Variants in PHACTR1 observed in about 807,000 individuals in gnomAD.
The protein encoded by PHACTR1 is phosphatase and actin regulator 1.
Under a neutral mutation model 69.2 loss-of-function variants are expected in PHACTR1, and 16 were observed. The observed-to-expected ratio is 0.23, with a 90% CI of 0.16 to 0.35. The LOEUF (loss-of-function observed/expected upper bound fraction) is 0.35, where lower values mean the gene tolerates loss of function less well. Among genes scored for constraint, PHACTR1 ranks in the 10% least tolerant of loss-of-function variants. The probability of loss-of-function intolerance (pLI) is 1.00; values close to 1 mark genes in which losing one functional copy is unlikely to be tolerated. For synonymous variants in PHACTR1, 312 were observed against 284.5 expected, an observed-to-expected ratio of 1.10 and a Z score of -0.97; for missense variants, 510 against 734.7, an observed-to-expected ratio of 0.69 and a Z score of 3.54.
At position 12,990,928 on chromosome 6, in the gene PHACTR1, T is replaced by C. The variant is rs567159465; in HGVS notation, c.251-62437T>C. 7.9e-5 allele frequency among the ~76,000 whole-genome samples: 12 copies of C among 152,300 alleles called. No homozygotes were observed. In the East Asian group the frequency reaches 2.3e-3, roughly 29 times the overall value. ...TCTATCTATAGTCTCCAATGCTCTG[T>C]TGCTTCTTCTCTTGGTGTTCAGCCA... is the stretch of plus-strand genomic sequence containing the variant. On this transcript the variant is annotated intron_variant, in intron 4 of 14. Transcript: ENST00000332995.
chr6:13,147,292 T>C (rs1163400322), intron 5 of PHACTR1, among the ~76,000 whole-genome samples: 1 of 152,214 alleles, frequency 6.6e-6, no homozygotes, highest in Non-Finnish European at 1.5e-5. Flanking sequence ...TGCAGAGAGA[T>C]AGAAAATGGA....
At chr6:12,787,156 G>C (rs1286538917) in intron 4 of PHACTR1, among the ~76,000 whole-genome samples, 2 of 152,186 alleles carry the variant, frequency 1.3e-5, no homozygotes, top group Non-Finnish European at 2.9e-5. Context: ...TTAAACAGCT[G>C]GTGAAATTAG....
intron 5 of PHACTR1, among the ~76,000 whole-genome samples, chr6:13,065,184 G>A (rs1372120295): frequency 1.3e-5 from 2 of 152,214 alleles, no homozygotes; most frequent in East Asian, 3.9e-4. Context: ...ATGCAGATTG[G>A]AAGTCATCAG....
intron 5 of PHACTR1, among the ~76,000 whole-genome samples, chr6:13,122,869 G>T (rs181833252): frequency 6.6e-6 from 1 of 152,230 alleles, no homozygotes; most frequent in East Asian, 1.9e-4. Flanking sequence ...ACAAACAAGG[G>T]TTACTACCTA....
chr6:12,797,726 C>A (rs1168494450), intron 4 of PHACTR1, among the ~76,000 whole-genome samples: 1 of 152,148 alleles, frequency 6.6e-6, no homozygotes, highest in Non-Finnish European at 1.5e-5. Context: ...ACTCCAGCCA[C>A]ACTGTCCTTT....
chr6:12,930,346 G>C (rs1438642380), intron 4 of PHACTR1, among the ~76,000 whole-genome samples: 3 of 152,170 alleles, frequency 2.0e-5, no homozygotes, highest in Non-Finnish European at 4.4e-5. Context: ...CGCTGGCCAA[G>C]AGAATTTTTT....
intron 4 of PHACTR1, among the ~76,000 whole-genome samples, chr6:12,860,467 G>A (rs932087389): frequency 1.3e-5 from 2 of 152,106 alleles, no homozygotes; most frequent in African/African-American, 2.4e-5. Flanking sequence ...ACATGTGCAT[G>A]CGTCTTTATA....
intron 4 of PHACTR1, among the ~76,000 whole-genome samples, chr6:12,964,480 A>T (rs1793179581): frequency 1.3e-5 from 2 of 152,156 alleles, no homozygotes; most frequent in Admixed American, 6.5e-5. Flanking sequence ...ATTTTCAGCA[A>T]AGGAAGGAAA....
chr6:13,121,002 C>A (rs1040521719), intron 5 of PHACTR1, among the ~76,000 whole-genome samples: 8 of 152,168 alleles, frequency 5.3e-5, no homozygotes, highest in Non-Finnish European at 1.0e-4. Flanking sequence ...GCCGGGCATT[C>A]AGACAGGTGC....
At chr6:13,033,520 A>C (rs1051833794) in intron 4 of PHACTR1, among the ~76,000 whole-genome samples, 1 of 152,212 alleles carries the variant, frequency 6.6e-6, no homozygotes. Flanking sequence ...GTAAACAGCC[A>C]TACTTAGCAG....
At chr6:12,880,609 A>G (rs1016834144) in intron 4 of PHACTR1, among the ~76,000 whole-genome samples, 1 of 152,148 alleles carries the variant, frequency 6.6e-6, no homozygotes, top group Non-Finnish European at 1.5e-5. Flanking sequence ...TGTACCCACA[A>G]AGAGTTCATA....
At chr6:12,884,374 C>T (rs984140938) in intron 4 of PHACTR1, among the ~76,000 whole-genome samples, 8 of 151,914 alleles carry the variant, frequency 5.3e-5, no homozygotes, top group Admixed American at 1.3e-4. Context: ...ATGGTTCAGT[C>T]CAGACAAGTA....
Position 13,231,943 on chromosome 6 carries a change from C to T in PHACTR1, c.1391+1750C>T, listed in dbSNP as rs531522369. Among the ~76,000 whole-genome samples the T allele has an allele frequency of 7.0e-4, 107 of 152,324 alleles. 1 individual carries two copies. The highest frequency in any genetic ancestry group is 6.2e-4 in the South Asian group (3 of 4,824). The stretch of plus-strand genomic sequence containing the variant: ...TGTCACACAGCACAGCTCTGGAATT[C>T]TCTCTCTTGAGCCCTTACTTTGTAC... On this transcript the variant is annotated intron_variant, in intron 10 of 14. Transcript: ENST00000332995.
At chr6:13,199,656 A>G (rs373523630) in intron 7 of PHACTR1, among the ~76,000 whole-genome samples, 1 of 152,204 alleles carries the variant, frequency 6.6e-6, no homozygotes, top group African/African-American at 2.4e-5. Context: ...TTGATGAAGT[A>G]CTTATTGCTT....
intron 4 of PHACTR1, among the ~76,000 whole-genome samples, chr6:12,782,810 G>A (rs1771005837): frequency 6.6e-6 from 1 of 152,184 alleles, no homozygotes; most frequent in Admixed American, 6.5e-5. Flanking sequence ...GAGGGGCCAT[G>A]TAGCTATCAA....
intron 4 of PHACTR1, among the ~76,000 whole-genome samples, chr6:12,960,691 C>T (rs1407129699): frequency 6.6e-6 from 1 of 152,182 alleles, no homozygotes; most frequent in African/African-American, 2.4e-5. Context: ...CTGCCTCAGC[C>T]ATGCTATAAG....
chr6:12,852,438 A>T (rs1015082076), intron 4 of PHACTR1, among the ~76,000 whole-genome samples: 3 of 152,208 alleles, frequency 2.0e-5, no homozygotes, highest in Admixed American at 6.5e-5. Flanking sequence ...ATGGTACAGC[A>T]GAAGTCAGGA....
chr6:13,005,877 T>A (rs1798726466), intron 4 of PHACTR1, among the ~76,000 whole-genome samples: 1 of 152,066 alleles, frequency 6.6e-6, no homozygotes, highest in South Asian at 2.1e-4. Flanking sequence ...ACAATTATGT[T>A]GCATGTGTAA....
At chr6:12,830,079 AGG>A (rs1777292808) in intron 4 of PHACTR1, among the ~76,000 whole-genome samples, 1 of 145,730 alleles carries the variant, frequency 6.9e-6, no homozygotes, top group African/African-American at 2.6e-5. Flanking sequence ...GAAAGAAGGA[AGG>A]AAGGAAGGAG....
Sources: allele counts gnomAD v4.1 joint callset (sites outside exome capture counted in the v4.1 genomes callset), GRCh38; gene constraint gnomAD v4.1.1; transcripts MANE v1.5; gene names NCBI Gene and HGNC (gene_info 2026-07-23, HGNC 2026-07-21).